Variants in JARID2 observed in about 807,000 individuals in gnomAD.
JARID2 encodes the protein jumonji and AT-rich interaction domain containing 2.
In JARID2, 21 loss-of-function variants were observed where a neutral mutation model predicts 125.6. That is an observed-to-expected ratio of 0.17 (90% CI 0.12 to 0.24). JARID2 has a LOEUF of 0.24. Among genes scored for constraint, JARID2 ranks in the 10% least tolerant of loss-of-function variants. The pLI, the probability that JARID2 is intolerant of heterozygous loss-of-function variation, is 1.00. For missense variants in JARID2, 1,303 were observed against 1,639.6 expected, an observed-to-expected ratio of 0.79 and a Z score of 3.55; for synonymous variants, 736 against 661.6, an observed-to-expected ratio of 1.11 and a Z score of -1.73.
chr6:15,358,011 A>G (rs1425503192), intron 1 of JARID2, among the ~76,000 whole-genome samples: 2 of 152,062 alleles, frequency 1.3e-5, no homozygotes, highest in Non-Finnish European at 2.9e-5. Flanking sequence ...CAGGAAGCCC[A>G]TCTCCTTTTT....
At chr6:15,372,355 A>ATGT (rs986291192) in intron 1 of JARID2, among the ~76,000 whole-genome samples, 4 of 151,942 alleles carry the variant, frequency 2.6e-5, no homozygotes, top group Non-Finnish European at 4.4e-5. Flanking sequence ...TGGGATATTA[A>ATGT]TGTTATTATT....
chr6:15,262,155 T>C (rs1759908385), intron 1 of JARID2, among the ~76,000 whole-genome samples: 1 of 107,860 alleles, frequency 9.3e-6, no homozygotes, highest in Admixed American at 9.4e-5. Flanking sequence ...TCTCATGCCT[T>C]TTTTTTTTTT....
intron 2 of JARID2, among the ~76,000 whole-genome samples, chr6:15,384,803 A>G (rs539190811): frequency 6.6e-6 from 1 of 152,202 alleles, no homozygotes; most frequent in East Asian, 1.9e-4. Flanking sequence ...TGCCGGGCTT[A>G]AGTGATCCTC....
chr6:15,336,591 A>G (rs180855813), intron 1 of JARID2, among the ~76,000 whole-genome samples: 98 of 152,180 alleles, frequency 6.4e-4, no homozygotes, highest in African/African-American at 2.2e-3. Context: ...GGAGCTTGTT[A>G]AAAACATACC....
chr6:15,330,172 G>A (rs1762660598), intron 1 of JARID2, among the ~76,000 whole-genome samples: 1 of 152,222 alleles, frequency 6.6e-6, no homozygotes, highest in Admixed American at 6.5e-5. Flanking sequence ...AACTATAGGG[G>A]CTGTTCCCCA....
chr6:15,509,489 GGA>G, intron 12 of JARID2: 2 of 349,452 alleles, frequency 5.7e-6, no homozygotes, highest in Non-Finnish European at 8.0e-6. Context: ...TGTGTGCCAT[GGA>G]CGGTGATCAT....
chr6:15,319,003 C>A (rs956098261), intron 1 of JARID2, among the ~76,000 whole-genome samples: 6 of 152,152 alleles, frequency 3.9e-5, no homozygotes, highest in African/African-American at 1.4e-4. Flanking sequence ...AAGGAAGCAG[C>A]CTAGACATTC....
At chr6:15,414,406 A>G (rs985314044) in intron 3 of JARID2, among the ~76,000 whole-genome samples, 1 of 152,176 alleles carries the variant, frequency 6.6e-6, no homozygotes. Flanking sequence ...CCTTTACTTG[A>G]CACTAGGGAT....
intron 3 of JARID2, among the ~76,000 whole-genome samples, chr6:15,436,785 A>T (rs1009466830): frequency 2.0e-5 from 3 of 150,018 alleles, no homozygotes; most frequent in Non-Finnish European, 3.0e-5. Context: ...AGTGGTGTGG[A>T]CTCCTGCTTG....
chr6:15,336,452 A>T (rs936838824), intron 1 of JARID2, among the ~76,000 whole-genome samples: 1 of 152,264 alleles, frequency 6.6e-6, no homozygotes, highest in Non-Finnish European at 1.5e-5. Context: ...GAGCTGGAGT[A>T]TAGATTTTAA....
At chr6:15,378,629 T>G (rs1450952657) in intron 2 of JARID2, among the ~76,000 whole-genome samples, 1 of 152,204 alleles carries the variant, frequency 6.6e-6, no homozygotes, top group African/African-American at 2.4e-5. Flanking sequence ...GCAGCTCAAG[T>G]CCTGTAACTT....
intron 3 of JARID2, among the ~76,000 whole-genome samples, chr6:15,431,789 C>G (rs1029267411): frequency 6.6e-6 from 1 of 152,112 alleles, no homozygotes; most frequent in African/African-American, 2.4e-5. Context: ...AGTGTTGTCC[C>G]TTTATTCAGG....
chr6:15,465,897 G>T (rs530992413), intron 4 of JARID2, among the ~76,000 whole-genome samples: 1 of 151,822 alleles, frequency 6.6e-6, no homozygotes, highest in Non-Finnish European at 1.5e-5. Context: ...TTCGCCTCCC[G>T]GGTTCAAGTG....
intron 1 of JARID2, among the ~76,000 whole-genome samples, chr6:15,373,683 CA>C (rs1026006218): frequency 1.8e-4 from 28 of 152,176 alleles, no homozygotes; most frequent in African/African-American, 6.5e-4. Context: ...CCAAGGGAGG[CA>C]GCAACATTTT....
At position 15,246,603 on chromosome 6, in the gene JARID2, A is replaced by C. The variant is rs771269980; in HGVS notation, c.45+19A>C. On this transcript the variant is annotated intron_variant, in intron 1 of 17. Coordinates refer to ENST00000341776, the MANE Select transcript of JARID2 (RefSeq NM_004973.4). ...GAAATACGTAAGTGCTCCTAACAACACATCCTTTGACTTGCAGTTTTAAGC... is the reference window on the plus strand; with the variant it reads ...GAAATACGTAAGTGCTCCTAACAACCCATCCTTTGACTTGCAGTTTTAAGC... 2.0e-5 allele frequency: 32 copies of C among 1,597,754 alleles called. No homozygotes were observed. The highest frequency in any genetic ancestry group is 2.7e-5 in the Non-Finnish European group (31 of 1,165,544).
chr6:15,478,918 G>T (rs1769481071), intron 5 of JARID2, among the ~76,000 whole-genome samples: 1 of 152,130 alleles, frequency 6.6e-6, no homozygotes, highest in South Asian at 2.1e-4. Flanking sequence ...GCCTGCCTCG[G>T]CTTCCCAAAG....
chr6:15,427,440 T>G (rs1222352997), intron 3 of JARID2, among the ~76,000 whole-genome samples: 1 of 152,040 alleles, frequency 6.6e-6, no homozygotes, highest in Non-Finnish European at 1.5e-5. Context: ...GCCATTTCCT[T>G]TTTCTGTTAC....
At chr6:15,489,307 G>C (rs141384953) in intron 6 of JARID2, among the ~76,000 whole-genome samples, 5 of 152,204 alleles carry the variant, frequency 3.3e-5, no homozygotes, top group African/African-American at 9.7e-5. Context: ...TGAGCTTCCA[G>C]ATCTTGCCTT....
chr6:15,438,219 C>T (rs1176231278), intron 3 of JARID2, among the ~76,000 whole-genome samples: 3 of 152,090 alleles, frequency 2.0e-5, no homozygotes, highest in Non-Finnish European at 4.4e-5. Context: ...TGGAGTTTGG[C>T]AGTGGATTGA....
Sources: allele counts gnomAD v4.1 joint callset (sites outside exome capture counted in the v4.1 genomes callset), GRCh38; gene constraint gnomAD v4.1.1; transcripts MANE v1.5; gene names NCBI Gene and HGNC (gene_info 2026-07-23, HGNC 2026-07-21).